Variants in DCLK2 observed in about 807,000 individuals in gnomAD.
DCLK2 encodes the protein doublecortin like kinase 2.
DCLK2 carries 31 observed loss-of-function variants against 78.4 expected under a neutral mutation model. The observed-to-expected ratio is 0.40, with a 90% confidence interval of 0.30 to 0.53. The LOEUF (loss-of-function observed/expected upper bound fraction) is 0.53, where lower values mean the gene tolerates loss of function less well. DCLK2 is among the 20% of genes least tolerant of loss of function. DCLK2 has a pLI of 0.61. For missense variants in DCLK2, 872 were observed against 973.7 expected (o/e 0.90, Z 1.39); for synonymous variants, 407 against 374.9 (o/e 1.09, Z -0.99).
chr4:150,172,474 G>C (rs189877860), intron 2 of DCLK2, among the ~76,000 whole-genome samples: 2,069 of 151,924 alleles, frequency 0.014, 17 homozygotes, highest in Middle Eastern at 0.031. Context: ...GGGCATCATG[G>C]CGGGCGCCTG....
chr4:150,187,691 T>A (rs537392596), intron 2 of DCLK2, among the ~76,000 whole-genome samples: 24 of 152,356 alleles, frequency 1.6e-4, no homozygotes, highest in African/African-American at 5.8e-4. Context: ...TGGCACATAA[T>A]GAGTGCTCAG....
At chr4:150,091,337 A>G (rs940605904) in intron 1 of DCLK2, among the ~76,000 whole-genome samples, 3 of 152,176 alleles carry the variant, frequency 2.0e-5, no homozygotes, top group Non-Finnish European at 4.4e-5. Flanking sequence ...GAAAAATTCT[A>G]GGTTCCTAAG....
chr4:150,189,521 G>C (rs1276795323), intron 2 of DCLK2, among the ~76,000 whole-genome samples: 1 of 152,122 alleles, frequency 6.6e-6, no homozygotes, highest in African/African-American at 2.4e-5. Context: ...CTGTGTCTGG[G>C]CAAGTTTCTC....
chr4:150,085,852 G>A (rs531639568), intron 1 of DCLK2, among the ~76,000 whole-genome samples: 1 of 152,220 alleles, frequency 6.6e-6, no homozygotes. Context: ...TCTGTTTTTT[G>A]TATTTTGTTA....
intron 2 of DCLK2, among the ~76,000 whole-genome samples, chr4:150,126,052 C>G (rs543088627): frequency 2.4e-4 from 37 of 152,262 alleles, no homozygotes; most frequent in African/African-American, 8.7e-4. Flanking sequence ...AAATTAAAGT[C>G]AGTATTTTAG....
chr4:150,230,924 C>G lies in DCLK2; in HGVS notation c.1300-1413C>G, dbSNP rs1466739126. Reference sequence around the variant, plus strand: ...TGAGCCAGTCAAAGACTTCCTAGCCCTGTTCATTAAAAGAAGCATAGATTC... The same window carrying G: ...TGAGCCAGTCAAAGACTTCCTAGCCGTGTTCATTAAAAGAAGCATAGATTC... On this transcript the variant is annotated intron_variant, in intron 8 of 15. Coordinates refer to ENST00000296550, the MANE Select transcript of DCLK2 (RefSeq NM_001040260.4). Among the ~76,000 whole-genome samples, 12 of 152,182 alleles carry G rather than the reference C, an allele frequency of 7.9e-5. No individual in the cohort carries two copies. In the East Asian group the frequency reaches 9.6e-4, roughly 12 times the overall value.
At chr4:150,091,116 T>A (rs1476481532) in intron 1 of DCLK2, among the ~76,000 whole-genome samples, 2 of 152,192 alleles carry the variant, frequency 1.3e-5, no homozygotes, top group Non-Finnish European at 2.9e-5. Context: ...TTACTTTTTC[T>A]TACTCTGTAT....
intron 8 of DCLK2, among the ~76,000 whole-genome samples, chr4:150,231,652 C>G (rs1742079605): frequency 6.6e-6 from 1 of 152,198 alleles, no homozygotes; most frequent in East Asian, 1.9e-4. Flanking sequence ...AACTGTGTTA[C>G]TCACCAGGAT....
chr4:150,178,056 C>A (rs1225135378), intron 2 of DCLK2, among the ~76,000 whole-genome samples: 2 of 152,130 alleles, frequency 1.3e-5, no homozygotes, highest in African/African-American at 4.8e-5. Flanking sequence ...ACTCTTCAAT[C>A]CTGAATTAAA....
At chr4:150,218,028 A>G (rs1740858334) in intron 5 of DCLK2, among the ~76,000 whole-genome samples, 1 of 152,086 alleles carries the variant, frequency 6.6e-6, no homozygotes, top group South Asian at 2.1e-4. Flanking sequence ...GCCCCATGCC[A>G]TGCTCGCTGT....
chr4:150,147,866 A>G (rs1734594484), intron 2 of DCLK2, among the ~76,000 whole-genome samples: 1 of 152,044 alleles, frequency 6.6e-6, no homozygotes, highest in African/African-American at 2.4e-5. Flanking sequence ...TGAAATATCA[A>G]TCTGGGCAAT....
At chr4:150,248,424 C>A (rs199516426) in intron 14 of DCLK2, 39 bp downstream of exon 14, 1 of 1,546,956 alleles carries the variant, frequency 6.5e-7, no homozygotes, top group South Asian at 1.1e-5. Context: ...CCTCACTGTG[C>A]TCTGTGGCCA....
At chr4:150,115,918 C>G (rs1732051412) in intron 2 of DCLK2, among the ~76,000 whole-genome samples, 1 of 152,160 alleles carries the variant, frequency 6.6e-6, no homozygotes, top group African/African-American at 2.4e-5. Context: ...GAGGTCCCAG[C>G]TTTGATGGAG....
intron 1 of DCLK2, among the ~76,000 whole-genome samples, chr4:150,096,181 C>A (rs12503886): frequency 0.42 from 63,794 of 152,004 alleles, 13,910 homozygotes; most frequent in African/African-American, 0.52. Context: ...CAAAGTCAAC[C>A]GTTCTGCCAA....
intron 2 of DCLK2, among the ~76,000 whole-genome samples, chr4:150,172,311 A>ACT (rs1419177290): frequency 2.0e-5 from 3 of 152,130 alleles, no homozygotes; most frequent in Non-Finnish European, 2.9e-5. Flanking sequence ...CTGTATGACT[A>ACT]AAGAAATCCT....
chr4:150,222,564 A>G (rs768630244), intron 7 of DCLK2, among the ~76,000 whole-genome samples: 9 of 152,152 alleles, frequency 5.9e-5, no homozygotes, highest in Non-Finnish European at 1.3e-4. Context: ...CAATCAGGCC[A>G]GGCCTGGTGG....
At chr4:150,215,969 G>A (rs768651938) in intron 5 of DCLK2, among the ~76,000 whole-genome samples, 16 of 152,190 alleles carry the variant, frequency 1.1e-4, no homozygotes, top group Admixed American at 2.0e-4. Context: ...AAGGACTGTG[G>A]AAGTTAATGA....
At chr4:150,149,770 A>G (rs889601908) in intron 2 of DCLK2, among the ~76,000 whole-genome samples, 3 of 152,218 alleles carry the variant, frequency 2.0e-5, no homozygotes, top group Non-Finnish European at 4.4e-5. Context: ...TGTTTAATAC[A>G]TAAAATCTGC....
rs959552696 is a variant in DCLK2, at chr4:150,219,418, C to T, written c.1057-1285C>T. 3.9e-5 allele frequency among the ~76,000 whole-genome samples: 6 copies of T among 152,112 alleles called. No individual in the cohort carries two copies. In the East Asian group the frequency reaches 5.8e-4, roughly 15 times the overall value. ...CTGGGATTACAGTCATGTGTCACCA[C>T]GCCTGGGCGATTTTGTATTTTCAGT... On this transcript the variant is annotated intron_variant, in intron 5 of 15. Transcript: ENST00000296550.
Sources: allele counts gnomAD v4.1 joint callset (sites outside exome capture counted in the v4.1 genomes callset), GRCh38; gene constraint gnomAD v4.1.1; transcripts MANE v1.5; gene names NCBI Gene and HGNC (gene_info 2026-07-23, HGNC 2026-07-21).